The following RNF111 variants were observed in gnomAD, a reference collection of about 807,000 sequenced individuals.
RNF111 encodes ring finger protein 111.
In RNF111, 17 loss-of-function variants were observed where a neutral mutation model predicts 95.1. That is an observed-to-expected ratio of 0.18 (90% CI 0.12 to 0.27). The LOEUF (loss-of-function observed/expected upper bound fraction) is 0.27. RNF111 is among the 10% of genes least tolerant of loss of function. The pLI is 1.00. For missense variants in RNF111, 1,189 were observed against 1,210.4 expected (o/e 0.98, Z 0.26); for synonymous variants, 440 against 414.8 (o/e 1.06, Z -0.74).
In RNF111 at chr15:59,075,950, C is replaced by G. The variant is rs370412120; in HGVS notation, c.1687-4C>G. 5.6e-6 allele frequency: 9 copies of G among 1,613,386 alleles called. No homozygotes were observed. The highest frequency in any genetic ancestry group is 5.3e-5 in the African/African-American group (4 of 74,892). ...AAGATAAAATATACTTCCTTTTTATCTAGCAGGCATTGCCAGTGGACCTGA... is the reference window on the plus strand; with the variant it reads ...AAGATAAAATATACTTCCTTTTTATGTAGCAGGCATTGCCAGTGGACCTGA... On this transcript the variant is annotated splice_polypyrimidine_tract_variant and splice_region_variant and intron_variant, in intron 6 of 13. Transcript: ENST00000348370.
chr15:59,014,120 A>G lies in RNF111; in HGVS notation c.-19-16684A>G, dbSNP rs75183178. 7.2e-3 allele frequency among the ~76,000 whole-genome samples: 1,103 copies of G among 152,292 alleles called. 7 individuals are homozygous for G. The highest frequency in any genetic ancestry group is 0.011 in the Non-Finnish European group (739 of 68,030). ...TTTTAAATTTTGGAGTAGAATTAAT[A>G]CTACATTATTTATTTTGTTGTCAAA... is the stretch of plus-strand genomic sequence containing the variant. On this transcript the variant is annotated intron_variant, in intron 1 of 13. Transcript: ENST00000348370.
intron 1 of RNF111, among the ~76,000 whole-genome samples, chr15:59,006,630 A>G (rs2039551266): frequency 1.3e-5 from 2 of 152,276 alleles, no homozygotes; most frequent in South Asian, 2.1e-4. Flanking sequence ...CTAGCCATCT[A>G]TTTGTTCCTC....
intron 1 of RNF111, among the ~76,000 whole-genome samples, chr15:58,989,272 A>G (rs1249604164): frequency 6.6e-6 from 1 of 152,218 alleles, no homozygotes; most frequent in Admixed American, 6.5e-5. Context: ...GATAAGAAGG[A>G]AGCCCTTTTA....
intron 2 of RNF111, among the ~76,000 whole-genome samples, chr15:59,034,396 C>A (rs542610209): frequency 4.6e-5 from 7 of 152,238 alleles, no homozygotes; most frequent in African/African-American, 1.7e-4. Context: ...GCATTAAATT[C>A]CTCGATGCTA....
At chr15:58,992,944 G>A (rs568272190) in intron 1 of RNF111, among the ~76,000 whole-genome samples, 8 of 152,308 alleles carry the variant, frequency 5.3e-5, no homozygotes, top group African/African-American at 7.2e-5. Context: ...TGAGGCAGGC[G>A]GATCACCTGA....
At chr15:59,044,272 C>G (rs757931700) in intron 2 of RNF111, among the ~76,000 whole-genome samples, 5 of 152,200 alleles carry the variant, frequency 3.3e-5, no homozygotes, top group Non-Finnish European at 5.9e-5. Context: ...CTCAGGTGAT[C>G]CATCTGCCTT....
chr15:59,043,613 T>TGAA (rs2041571889), intron 2 of RNF111, among the ~76,000 whole-genome samples: 1 of 152,196 alleles, frequency 6.6e-6, no homozygotes, highest in Non-Finnish European at 1.5e-5. Context: ...TGGTTTCCGG[T>TGAA]ATTTGCTATT....
chr15:59,087,983 G>A lies in RNF111; in HGVS notation c.2551-1684G>A, dbSNP rs573487012. Among the ~76,000 whole-genome samples the A allele has an allele frequency of 2.0e-5, 3 of 152,332 alleles. No homozygotes were observed. The East Asian group carries it at 5.8e-4, about 29-fold the overall frequency. On this transcript the variant is annotated intron_variant, in intron 10 of 13. Coordinates refer to ENST00000348370, the MANE Select transcript of RNF111 (RefSeq NM_017610.8). Reference sequence around the variant, plus strand: ...ACGTACGGTAAGGAAGTGAAAACATGGAGACAGTGAATATAGCCTTCTTGC... The same window carrying A: ...ACGTACGGTAAGGAAGTGAAAACATAGAGACAGTGAATATAGCCTTCTTGC...
intron 2 of RNF111, among the ~76,000 whole-genome samples, chr15:59,037,202 G>A (rs2041222794): frequency 6.6e-6 from 1 of 152,046 alleles, no homozygotes; most frequent in Non-Finnish European, 1.5e-5. Context: ...TTATTAATTG[G>A]CTTTTAACTT....
intron 2 of RNF111, among the ~76,000 whole-genome samples, chr15:59,039,049 C>G (rs961709361): frequency 3.9e-5 from 6 of 152,206 alleles, no homozygotes; most frequent in African/African-American, 1.4e-4. Flanking sequence ...ACCGCAACCT[C>G]TGCCTCCCGT....
chr15:58,988,844 CATTA>C (rs1446006900), intron 1 of RNF111, among the ~76,000 whole-genome samples: 3 of 152,146 alleles, frequency 2.0e-5, no homozygotes, highest in African/African-American at 7.2e-5. Flanking sequence ...TTATGTGCGG[CATTA>C]ATTTAGAATT....
In RNF111 at chr15:58,990,736, G is replaced by A. The variant is rs976580890; in HGVS notation, c.-20+2668G>A. Among the ~76,000 whole-genome samples, 10 of 152,108 alleles carry A rather than the reference G, an allele frequency of 6.6e-5. 1 individual carries two copies. The highest frequency in any genetic ancestry group is 6.6e-4 in the Admixed American group (10 of 15,254). On this transcript the variant is annotated intron_variant, in intron 1 of 13. Transcript: ENST00000348370. The stretch of plus-strand genomic sequence containing the variant: ...CCCATTGTAGATATTAATTACTGAA[G>A]CTTTAATAGCTTTCAGATGGTACTA...
chr15:59,012,128 C>A (rs955466761), intron 1 of RNF111, among the ~76,000 whole-genome samples: 53 of 143,686 alleles, frequency 3.7e-4, no homozygotes, highest in African/African-American at 1.3e-3. Flanking sequence ...AGGTGATTCT[C>A]ATGCCTCAGC....
chr15:59,055,886 T>C lies in RNF111; in HGVS notation c.1171+41T>C, dbSNP rs547707156. ...AACAGTAGAAAATTATGAAAGGAGT[T>C]TGATAAAAGGAAATCTCTTAATATG... is the stretch of plus-strand genomic sequence containing the variant. On this transcript the variant is annotated intron_variant, in intron 4 of 13. Coordinates refer to ENST00000348370, the MANE Select transcript of RNF111 (RefSeq NM_017610.8). 641 of 1,511,670 alleles carry C rather than the reference T, an allele frequency of 4.2e-4. 8 individuals carry two copies. In the Admixed American group the frequency reaches 0.011, roughly 27 times the overall value. The allele number at this position is 1,511,670 out of a possible 1,614,324, so 93.6% of individuals were successfully genotyped here. A position where few individuals can be genotyped will look rare whatever the true frequency, so the allele number is the denominator to read the frequency against.
intron 5 of RNF111, 45 bp from the exon 6 acceptor site, chr15:59,066,719 A>G (rs1359811028): frequency 2.7e-6 from 4 of 1,454,960 alleles, no homozygotes; most frequent in Non-Finnish European, 3.8e-6. Context: ...TTACACAGTG[A>G]TATTTCATGA....
At chr15:58,998,200 G>T (rs926830066) in intron 1 of RNF111, among the ~76,000 whole-genome samples, 6 of 151,944 alleles carry the variant, frequency 3.9e-5, no homozygotes, top group Non-Finnish European at 5.9e-5. Flanking sequence ...ACCGTGTCTG[G>T]CCAAGCACAT....
chr15:59,088,920 G>A (rs1015930558), intron 10 of RNF111, among the ~76,000 whole-genome samples: 5 of 152,110 alleles, frequency 3.3e-5, no homozygotes, highest in Admixed American at 2.6e-4. Flanking sequence ...CTATGCTTGG[G>A]TGCCATTTTA....
intron 3 of RNF111, 138 bp downstream of exon 3, chr15:59,052,569 A>AT (rs768761060): frequency 0.056 from 13,990 of 248,434 alleles, 146 homozygotes; most frequent in Non-Finnish European, 0.066. Context: ...AGATTAGTGG[A>AT]TTTTTTTTTT....
chr15:59,057,154 C>G (rs2042231802), intron 4 of RNF111, among the ~76,000 whole-genome samples: 1 of 152,162 alleles, frequency 6.6e-6, no homozygotes. Context: ...GAGGATGCTA[C>G]TGACATCTAA....
Sources: allele counts gnomAD v4.1 joint callset (sites outside exome capture counted in the v4.1 genomes callset), GRCh38; gene constraint gnomAD v4.1.1; transcripts MANE v1.5; gene names NCBI Gene and HGNC (gene_info 2026-07-23, HGNC 2026-07-21).